The following CENPI variants were observed in gnomAD, a reference collection of about 807,000 sequenced individuals.
CENPI encodes the protein centromere protein I.
A neutral mutation model predicts 60.4 loss-of-function variants in CENPI; 4 were observed. The ratio of observed to expected loss-of-function variants is 0.07; its 90% CI spans 0.03 to 0.15. The LOEUF is 0.15. CENPI is among the 10% of genes least tolerant of loss of function. CENPI has a pLI of 1.00. For synonymous variants in CENPI, 157 were observed against 189.4 expected (o/e 0.83, Z 1.40); for missense variants, 444 against 534.5 (o/e 0.83, Z 1.67).
chrX:101,098,270 CCG>C (rs2089369249), intron 1 of CENPI, 22 bp downstream of exon 1: 1 of 112,836 alleles, frequency 8.9e-6, no homozygotes, highest in African/African-American at 3.2e-5. Flanking sequence ...CTTTTAAGCA[CCG>C]CGCGAAATGG....
intron 3 of CENPI, 56 bp from the exon 4 acceptor site, chrX:101,102,218 C>T: frequency 2.1e-6 from 2 of 944,314 alleles, no homozygotes; most frequent in Non-Finnish European, 2.9e-6. Context: ...ATTATTGAGG[C>T]CGAAGACTGA....
chrX:101,105,369 A>G (rs1420807944), intron 4 of CENPI, among the ~76,000 whole-genome samples: 4 of 110,621 alleles, frequency 3.6e-5, no homozygotes, highest in Non-Finnish European at 7.6e-5. Context: ...CTAAAAATAC[A>G]AAAAATTAGC....
chrX:101,174,278 C>T, the CENPI span, among the ~76,000 whole-genome samples: 2 of 111,392 alleles, frequency 1.8e-5, no homozygotes, highest in African/African-American at 6.5e-5. Flanking sequence ...ATCTGTATCT[C>T]CCATGAGATA....
At chrX:101,134,752 G>A (rs1307027764) in intron 15 of CENPI, among the ~76,000 whole-genome samples, 4 of 111,347 alleles carry the variant, frequency 3.6e-5, no homozygotes, top group African/African-American at 3.3e-5. Context: ...GGCTGGGTGC[G>A]GTGGCTCATG....
At chrX:101,179,630 C>T in the CENPI span, among the ~76,000 whole-genome samples, 1 of 111,040 alleles carries the variant, frequency 9.0e-6, no homozygotes, top group Non-Finnish European at 1.9e-5. Context: ...ACGCCATTCT[C>T]CTGCCTCAGC....
chrX:101,179,365 T>C, the CENPI span, among the ~76,000 whole-genome samples: 2 of 112,921 alleles, frequency 1.8e-5, no homozygotes. Context: ...TTCCTTTTTA[T>C]GGCTGAATAA....
intron 20 of CENPI, among the ~76,000 whole-genome samples, chrX:101,155,976 G>A (rs2090048284): frequency 1.8e-5 from 2 of 111,035 alleles, no homozygotes; most frequent in African/African-American, 6.5e-5. Flanking sequence ...TGATGCTAAT[G>A]TTTTGCCTTG....
chrX:101,146,128 C>T (rs375046680), intron 17 of CENPI, 25 bp from the exon 18 acceptor site: 33 of 1,182,437 alleles, frequency 2.8e-5, no homozygotes, highest in Non-Finnish European at 3.8e-5. Flanking sequence ...ACTCTGTATA[C>T]TGATGTTATC....
chrX:101,176,732 C>CT, the CENPI span, among the ~76,000 whole-genome samples: 2 of 112,944 alleles, frequency 1.8e-5, no homozygotes, highest in East Asian at 5.5e-4. Context: ...TGCCTCTACT[C>CT]TGTTGGTTGT....
chrX:101,123,050 C>T (rs1276996524), intron 8 of CENPI, among the ~76,000 whole-genome samples: 2 of 112,157 alleles, frequency 1.8e-5, no homozygotes, highest in Non-Finnish European at 3.8e-5. Context: ...TAAATTATTC[C>T]ATTGTCAGTA....
chrX:101,118,723 T>C (rs948746885), intron 6 of CENPI, among the ~76,000 whole-genome samples: 18 of 111,895 alleles, frequency 1.6e-4, no homozygotes, highest in African/African-American at 5.8e-4. Context: ...AATAATGGAG[T>C]CTAGGGCAAG....
rs778426552 is a variant in CENPI at position 101,159,529 on chromosome X, GCT to G, written c.2095-1994_2095-1993del. 1.0e-3 allele frequency among the ~76,000 whole-genome samples: 110 copies of G among 107,587 alleles called. 1 individual carries two copies. The highest frequency in any genetic ancestry group is 1.9e-3 in the Non-Finnish European group (98 of 52,212). 93.4% of individuals were successfully genotyped at this position (107,587 alleles called of 115,157 possible). A position where few individuals can be genotyped will look rare whatever the true frequency, so the allele number is the denominator to read the frequency against. ...GCTGAAGTGCCATGGCATGATCTTG[GCT>G]CTCTGAAACCTCCGCCTCCCGAGTT... On this transcript the variant is annotated intron_variant, in intron 20 of 21. Transcript: ENST00000682095.
At chrX:101,180,333 CA>C in the CENPI span, among the ~76,000 whole-genome samples, 2 of 110,679 alleles carry the variant, frequency 1.8e-5, no homozygotes, top group Non-Finnish European at 1.9e-5. Context: ...GATAAGGTCT[CA>C]CTATGTTGCC....
Position 101,109,483 on chromosome X carries a change from A to G in CENPI, c.375A>G (p.Val125=), listed in dbSNP as rs778533250. The change falls in exon 5 of 22, where the codon GTA becomes GTG. Residue 125 remains valine, a synonymous_variant. Transcript: ENST00000682095. The part of the protein sequence containing the change: ...IALSGKFGNA[V]NTRILKCMIP... The stretch of plus-strand genomic sequence containing the variant: ...TTGTCTCCTTTCCAGGAAATGCTGT[A>G]AACACACGGATATTGAAGTGCATGA... 4.2e-6 allele frequency: 5 copies of G among 1,197,259 alleles called. No homozygotes were observed. In the East Asian group the frequency reaches 1.2e-4, roughly 28 times the overall value.
the CENPI span, among the ~76,000 whole-genome samples, chrX:101,173,314 CTTTT>C: frequency 1.0e-3 from 53 of 50,479 alleles, no homozygotes; most frequent in African/African-American, 4.3e-3. Flanking sequence ...TGCCTGGCCT[CTTTT>C]TTTTTTTTTT....
chrX:101,100,011 ACTC>A (rs756179292), intron 2 of CENPI: 1 of 107,388 alleles, frequency 9.3e-6, no homozygotes, highest in East Asian at 3.0e-4. Flanking sequence ...CTGGTCTTGA[ACTC>A]CTAGGTTGAA....
Position 101,132,256 on chromosome X carries a change from C to T in CENPI, c.1354C>T (p.Arg452Trp), listed in dbSNP as rs747886221. The T allele has an allele frequency of 5.0e-6, 6 of 1,207,757 alleles. No individual in the cohort carries two copies. Among genetic ancestry groups the T allele is most frequent in the Admixed American group, 4.4e-5 (2 of 45,600 alleles). Residue 452 changes from arginine (R) to tryptophan (W), a missense_variant, in exon 14 of 22, where the codon CGG becomes TGG. Transcript: ENST00000682095. Reference sequence around the variant, plus strand: ...TCCTCTCTGGGATGGCCTTTGTTGTCGGTCACAGTTCCTTCAGCTTGTGAG... The same window carrying T: ...TCCTCTCTGGGATGGCCTTTGTTGTTGGTCACAGTTCCTTCAGCTTGTGAG... ...SLPLWDGLCC[R>W]SQFLQLVSWI...
At chrX:101,172,557 T>C in the CENPI span, among the ~76,000 whole-genome samples, 3 of 111,806 alleles carry the variant, frequency 2.7e-5, no homozygotes, top group African/African-American at 9.7e-5. Context: ...TGTGGTTCTA[T>C]TTACATGAAA....
At chrX:101,153,734 T>A (rs772849888) in intron 20 of CENPI, among the ~76,000 whole-genome samples, 1 of 112,529 alleles carries the variant, frequency 8.9e-6, no homozygotes, top group Non-Finnish European at 1.9e-5. Flanking sequence ...TTTTTGTTAA[T>A]GTCTTTTGAT....
Sources: allele counts gnomAD v4.1 joint callset (sites outside exome capture counted in the v4.1 genomes callset), GRCh38; gene constraint gnomAD v4.1.1; transcripts MANE v1.5; gene names NCBI Gene and HGNC (gene_info 2026-07-23, HGNC 2026-07-21).